Variants in DLGAP1 observed in about 807,000 individuals in gnomAD.
The protein encoded by DLGAP1 is disks large-associated protein 1.
A neutral mutation model predicts 90.8 loss-of-function variants in DLGAP1; 11 were observed. That is an observed-to-expected ratio of 0.12 (90% CI 0.08 to 0.20). The LOEUF is 0.20. Among genes scored for constraint, DLGAP1 ranks in the 10% least tolerant of loss-of-function variants. DLGAP1 has a pLI of 1.00. For synonymous variants in DLGAP1, 558 were observed against 540.7 expected (o/e 1.03, Z -0.44); for missense variants, 1,050 against 1,333.8 (o/e 0.79, Z 3.31).
chr18:3,697,586 G>A (rs2061137641), intron 7 of DLGAP1, among the ~76,000 whole-genome samples: 1 of 152,142 alleles, frequency 6.6e-6, no homozygotes, highest in Non-Finnish European at 1.5e-5. Flanking sequence ...TGCATTTGCT[G>A]AGGAGTGTTT....
intron 3 of DLGAP1, among the ~76,000 whole-genome samples, chr18:3,884,588 C>T (rs2071260351): frequency 6.6e-6 from 1 of 152,044 alleles, no homozygotes. Flanking sequence ...ATGACGTTAC[C>T]TGAGGACAAG....
At chr18:3,614,776 G>A (rs1411617915) in intron 7 of DLGAP1, among the ~76,000 whole-genome samples, 2 of 149,248 alleles carry the variant, frequency 1.3e-5, no homozygotes, top group Admixed American at 6.7e-5. Flanking sequence ...TTGATCCCGG[G>A]AGGCAGATGT....
chr18:3,814,175 C>T lies in DLGAP1; in HGVS notation c.1056G>A (p.Gly352=). Residue 352 remains glycine (G), a synonymous_variant, in exon 5 of 13, where the codon GGG becomes GGA. Coordinates refer to ENST00000315677, the MANE Select transcript of DLGAP1 (RefSeq NM_004746.4). The part of the protein sequence containing the change: ...MRSGSYIKAM[G]DEDSGDSDTS... ...TGTCTGAGTCTCCACTGTCTTCATC[C>T]CCCATGGCCTTGATATAACTGCCAC... 1 of 1,614,054 alleles carries T rather than the reference C, an allele frequency of 6.2e-7. No homozygotes were observed. Among genetic ancestry groups the T allele is most frequent in the Non-Finnish European group, 8.5e-7 (1 of 1,179,996 alleles).
At chr18:4,072,564 G>A (rs966660159) in intron 2 of DLGAP1, among the ~76,000 whole-genome samples, 2 of 151,834 alleles carry the variant, frequency 1.3e-5, no homozygotes, top group Admixed American at 6.6e-5. Flanking sequence ...CCACCTCCGG[G>A]TTTCAAGTGA....
intron 4 of DLGAP1, among the ~76,000 whole-genome samples, chr18:3,822,228 A>G (rs986798736): frequency 3.9e-5 from 6 of 152,150 alleles, no homozygotes; most frequent in Non-Finnish European, 5.9e-5. Flanking sequence ...GTAAATACCT[A>G]CCTCTTTAAA....
intron 1 of DLGAP1, among the ~76,000 whole-genome samples, chr18:4,349,446 T>C (rs922662004): frequency 2.0e-5 from 3 of 152,008 alleles, no homozygotes; most frequent in Non-Finnish European, 4.4e-5. Flanking sequence ...ATGACATTTG[T>C]GGCACAAACT....
chr18:4,115,314 T>C (rs2076042732), intron 2 of DLGAP1, among the ~76,000 whole-genome samples: 2 of 150,156 alleles, frequency 1.3e-5, no homozygotes, highest in South Asian at 4.3e-4. Flanking sequence ...AAATACATTG[T>C]TATAATTTTA....
intron 3 of DLGAP1, among the ~76,000 whole-genome samples, chr18:3,880,797 G>C (rs1001611214): frequency 6.6e-6 from 1 of 151,662 alleles, no homozygotes; most frequent in Non-Finnish European, 1.5e-5. Context: ...ACAAAAATTA[G>C]CTGGGCGTGG....
intron 1 of DLGAP1, among the ~76,000 whole-genome samples, chr18:4,175,831 C>G (rs2077098080): frequency 6.6e-6 from 1 of 152,040 alleles, no homozygotes; most frequent in Non-Finnish European, 1.5e-5. Flanking sequence ...TTACTGTAAC[C>G]TTGTAGTATA....
intron 5 of DLGAP1, among the ~76,000 whole-genome samples, chr18:3,798,607 C>T (rs774961904): frequency 9.2e-5 from 14 of 152,152 alleles, no homozygotes; most frequent in Non-Finnish European, 1.3e-4. Flanking sequence ...GGTCTCTGAG[C>T]GTATCTGTTT....
At chr18:3,895,319 A>ACACATCAT (rs1555703517) in intron 3 of DLGAP1, among the ~76,000 whole-genome samples, 6 of 148,454 alleles carry the variant, frequency 4.0e-5, no homozygotes, top group African/African-American at 7.6e-5. Context: ...ACACACACAC[A>ACACATCAT]CATCATCATC....
chr18:3,731,721 T>G (rs1412264037), intron 6 of DLGAP1, among the ~76,000 whole-genome samples: 1 of 152,144 alleles, frequency 6.6e-6, no homozygotes, highest in Non-Finnish European at 1.5e-5. Context: ...ACTTATATTC[T>G]TAACAGAATT....
chr18:3,552,511 C>T (rs965686831), intron 9 of DLGAP1, among the ~76,000 whole-genome samples: 1 of 152,182 alleles, frequency 6.6e-6, no homozygotes, highest in African/African-American at 2.4e-5. Flanking sequence ...ATGGACTCTG[C>T]CACACTGCCA....
intron 4 of DLGAP1, among the ~76,000 whole-genome samples, chr18:3,843,666 A>G (rs1396435710): frequency 6.6e-6 from 1 of 152,160 alleles, no homozygotes; most frequent in African/African-American, 2.4e-5. Context: ...CAAAATGAAC[A>G]CCTTTCAAAT....
At chr18:4,413,123 T>C (rs1253405739) in intron 1 of DLGAP1, among the ~76,000 whole-genome samples, 1 of 152,042 alleles carries the variant, frequency 6.6e-6, no homozygotes, top group Non-Finnish European at 1.5e-5. Flanking sequence ...CAGATGGAGA[T>C]CTGGATCACT....
At chr18:4,151,650 GTTAT>G (rs1037868282) in intron 1 of DLGAP1, among the ~76,000 whole-genome samples, 22 of 152,166 alleles carry the variant, frequency 1.4e-4, no homozygotes, top group East Asian at 7.7e-4. Flanking sequence ...CTTCCTGAGC[GTTAT>G]TTGTTTTCTC....
chr18:4,206,546 G>A (rs900855885), intron 1 of DLGAP1, among the ~76,000 whole-genome samples: 5 of 152,132 alleles, frequency 3.3e-5, no homozygotes, highest in Non-Finnish European at 5.9e-5. Context: ...TAAAGAAACC[G>A]TGTCTTCCAG....
chr18:3,684,001 A>G (rs992220856), intron 7 of DLGAP1, among the ~76,000 whole-genome samples: 5 of 152,162 alleles, frequency 3.3e-5, no homozygotes, highest in Non-Finnish European at 5.9e-5. Context: ...GTTCTGAGAC[A>G]TTAAGCCGTC....
chr18:3,561,436 C>CAA (rs68086553), intron 9 of DLGAP1, among the ~76,000 whole-genome samples: 72 of 76,110 alleles, frequency 9.5e-4, no homozygotes, highest in Non-Finnish European at 1.3e-3. Context: ...ACTCCATCTC[C>CAA]AAAAAAAAAA....
Sources: allele counts gnomAD v4.1 joint callset (sites outside exome capture counted in the v4.1 genomes callset), GRCh38; gene constraint gnomAD v4.1.1; transcripts MANE v1.5; gene names NCBI Gene and HGNC (gene_info 2026-07-23, HGNC 2026-07-21).